SOX5: variants seen among roughly 807,000 people sequenced by gnomAD.
SOX5 encodes the protein SRY-box transcription factor 5.
SOX5 carries 9 observed loss-of-function variants against 92.0 expected under a neutral mutation model. The ratio of observed to expected loss-of-function variants is 0.10; its 90% confidence interval spans 0.06 to 0.17. The LOEUF is 0.17. Among genes scored for constraint, SOX5 ranks in the 10% least tolerant of loss-of-function variants. The probability of loss-of-function intolerance (pLI) is 1.00; values close to 1 mark genes in which losing one functional copy is unlikely to be tolerated. For missense variants in SOX5, 642 were observed against 944.5 expected (o/e 0.68, Z 4.20); for synonymous variants, 344 against 336.3 (o/e 1.02, Z -0.25).
At chr12:24,218,908 T>C (rs1959713630) in intron 3 of SOX5, among the ~76,000 whole-genome samples, 2 of 152,122 alleles carry the variant, frequency 1.3e-5, no homozygotes, top group Admixed American at 6.5e-5. Flanking sequence ...TACTCAAGTA[T>C]TGTAATACAA....
At chr12:24,107,247 G>A (rs1420111619) in intron 4 of SOX5, among the ~76,000 whole-genome samples, 1 of 151,944 alleles carries the variant, frequency 6.6e-6, no homozygotes, top group African/African-American at 2.4e-5. Context: ...GTATCTTTGG[G>A]GCAGCCACTC....
At chr12:24,367,879 A>G (rs1414280579) in intron 2 of SOX5, 1 of 152,172 alleles carries the variant, frequency 6.6e-6, no homozygotes, top group Non-Finnish European at 1.5e-5. Context: ...CCCTACAATG[A>G]ACTATAAAAG....
At chr12:23,942,435 T>C (rs1189251287) in intron 1 of SOX5, among the ~76,000 whole-genome samples, 1 of 151,846 alleles carries the variant, frequency 6.6e-6, no homozygotes, top group East Asian at 1.9e-4. Context: ...AAATTTTGAT[T>C]AAAAATATGA....
At chr12:24,443,059 C>T (rs1940903003) in intron 1 of SOX5, among the ~76,000 whole-genome samples, 2 of 145,536 alleles carry the variant, frequency 1.4e-5, no homozygotes, top group African/African-American at 5.1e-5. Context: ...TCAAGCAATT[C>T]TCCTGCCTCA....
chr12:23,771,751 C>T (rs1256566279), intron 3 of SOX5, among the ~76,000 whole-genome samples: 1 of 152,196 alleles, frequency 6.6e-6, no homozygotes, highest in South Asian at 2.1e-4. Flanking sequence ...CATATAGACA[C>T]CTTTCTCTGT....
chr12:23,592,223 A>G (rs553165788), intron 9 of SOX5, among the ~76,000 whole-genome samples: 1 of 152,296 alleles, frequency 6.6e-6, no homozygotes, highest in South Asian at 2.1e-4. Flanking sequence ...ATTTTTATCT[A>G]TTTGAGTATA....
At chr12:23,583,868 G>A (rs1250194114) in intron 9 of SOX5, among the ~76,000 whole-genome samples, 1 of 152,072 alleles carries the variant, frequency 6.6e-6, no homozygotes, top group African/African-American at 2.4e-5. Context: ...TTTCCTGTTA[G>A]TTCCACTGGA....
chr12:23,568,249 T>C (rs1947500768), intron 10 of SOX5, among the ~76,000 whole-genome samples: 1 of 152,156 alleles, frequency 6.6e-6, no homozygotes, highest in Admixed American at 6.5e-5. Context: ...GTCAGCAGTA[T>C]TGAGGCATGG....
At chr12:24,390,517 T>A (rs184274601) in intron 1 of SOX5, among the ~76,000 whole-genome samples, 11 of 152,292 alleles carry the variant, frequency 7.2e-5, no homozygotes, top group Admixed American at 6.5e-4. Flanking sequence ...GGGATTTTAG[T>A]GTACCCATTG....
intron 4 of SOX5, among the ~76,000 whole-genome samples, chr12:23,980,410 T>C (rs1390208854): frequency 2.0e-5 from 3 of 152,092 alleles, no homozygotes; most frequent in African/African-American, 7.2e-5. Context: ...TATTCCTTCA[T>C]ATATATATAA....
intron 1 of SOX5, among the ~76,000 whole-genome samples, chr12:23,906,887 A>C (rs1255020006): frequency 6.6e-6 from 1 of 152,044 alleles, no homozygotes; most frequent in Non-Finnish European, 1.5e-5. Flanking sequence ...TTTTTCTGAG[A>C]CATATGGTTG....
At chr12:24,119,087 T>C (rs1948366635) in intron 4 of SOX5, among the ~76,000 whole-genome samples, 1 of 152,148 alleles carries the variant, frequency 6.6e-6, no homozygotes, top group South Asian at 2.1e-4. Context: ...ATTCTGACTT[T>C]ATGATTCAAA....
At chr12:23,959,401 A>G (rs902338780) in intron 4 of SOX5, among the ~76,000 whole-genome samples, 3 of 152,072 alleles carry the variant, frequency 2.0e-5, no homozygotes, top group African/African-American at 7.2e-5. Context: ...ATGGCATTCA[A>G]CAAAATGCCC....
chr12:23,995,950 G>A (rs1168713817), intron 4 of SOX5, among the ~76,000 whole-genome samples: 1 of 152,120 alleles, frequency 6.6e-6, no homozygotes, highest in African/African-American at 2.4e-5. Flanking sequence ...TGGGATATAT[G>A]TCAGCTCACA....
At chr12:24,316,714 G>A in intron 2 of SOX5, among the ~76,000 whole-genome samples, 2 of 152,282 alleles carry the variant, frequency 1.3e-5, no homozygotes, top group South Asian at 4.1e-4. Context: ...AATGTATTTA[G>A]AGAGAAATTA....
intron 6 of SOX5, among the ~76,000 whole-genome samples, chr12:23,724,918 A>G (rs982927138): frequency 2.0e-5 from 3 of 152,194 alleles, no homozygotes; most frequent in African/African-American, 7.2e-5. Context: ...AAACAAAGGA[A>G]GTAGGGTGAC....
At chr12:24,226,173 T>A (rs1389480088) in intron 3 of SOX5, among the ~76,000 whole-genome samples, 4 of 152,126 alleles carry the variant, frequency 2.6e-5, no homozygotes, top group Non-Finnish European at 5.9e-5. Flanking sequence ...TATATAATAT[T>A]CTCATGGTTC....
intron 1 of SOX5, among the ~76,000 whole-genome samples, chr12:24,474,973 C>T (rs1945206388): frequency 6.6e-6 from 1 of 152,030 alleles, no homozygotes. Flanking sequence ...CCTCAAGCCT[C>T]CTGAGTAGCT....
At chr12:24,354,741 G>A (rs1954583519) in intron 2 of SOX5, among the ~76,000 whole-genome samples, 5 of 152,286 alleles carry the variant, frequency 3.3e-5, no homozygotes, top group South Asian at 4.1e-4. Flanking sequence ...ATGTCTGGTC[G>A]TATCATTTGT....
Sources: gnomAD v4.1 joint callset for allele counts (sites outside exome capture counted in the v4.1 genomes callset) on GRCh38, gnomAD v4.1.1 for gene constraint, MANE v1.5 for transcripts, NCBI Gene and HGNC (gene_info 2026-07-23, HGNC 2026-07-21) for gene names.